The following ABI3BP variants were observed in gnomAD, a reference collection of about 807,000 sequenced individuals.
ABI3BP encodes the protein target of Nesh-SH3.
In ABI3BP, 216 loss-of-function variants were observed where a neutral mutation model predicts 268.6. That is an observed-to-expected ratio of 0.80 (90% CI 0.72 to 0.90). The LOEUF (loss-of-function observed/expected upper bound fraction) is 0.90. Ranked by LOEUF, ABI3BP falls within the 40% of genes least tolerant of loss-of-function variation. The probability of loss-of-function intolerance (pLI) is 0.00; values close to 1 mark genes in which losing one functional copy is unlikely to be tolerated. For missense variants in ABI3BP, 2,090 were observed against 2,182.4 expected, an observed-to-expected ratio of 0.96 and a Z score of 0.84; for synonymous variants, 730 against 730.0, an observed-to-expected ratio of 1.00 and a Z score of 0.00.
At chr3:100,909,932 G>T (rs970152155) in intron 2 of ABI3BP, among the ~76,000 whole-genome samples, 6 of 152,140 alleles carry the variant, frequency 3.9e-5, no homozygotes, top group African/African-American at 9.7e-5. Context: ...ATGCCCAAAA[G>T]AATTATAAAT....
At chr3:100,920,831 C>A (rs1420251485) in intron 2 of ABI3BP, among the ~76,000 whole-genome samples, 1 of 152,054 alleles carries the variant, frequency 6.6e-6, no homozygotes, top group East Asian at 1.9e-4. Context: ...AACTACTTAC[C>A]CACAACTATT....
At chr3:100,788,110 T>C (rs1301918601) in intron 56 of ABI3BP, among the ~76,000 whole-genome samples, 1 of 152,124 alleles carries the variant, frequency 6.6e-6, no homozygotes, top group Non-Finnish European at 1.5e-5. Context: ...ATTAGATACA[T>C]TCCAAAATGG....
rs758851750 is a variant in ABI3BP, at chr3:100,833,110, A to G, written c.2314+15T>C. On this transcript the variant is annotated intron_variant, in intron 30 of 67. Coordinates refer to ENST00000471714, the MANE Select transcript of ABI3BP (RefSeq NM_001375547.2). ...TAAGAAAAAGGACTTGCTGAAGGACATAGAGAGTCATTACCTGAAGATGTC... is the reference window on the plus strand; with the variant it reads ...TAAGAAAAAGGACTTGCTGAAGGACGTAGAGAGTCATTACCTGAAGATGTC... 76 of 1,533,778 alleles carry G rather than the reference A, an allele frequency of 5.0e-5. 2 individuals carry two copies. In the South Asian group the frequency reaches 8.0e-4, roughly 16 times the overall value.
chr3:100,935,905 C>T (rs2065906438), intron 1 of ABI3BP, among the ~76,000 whole-genome samples: 1 of 152,120 alleles, frequency 6.6e-6, no homozygotes, highest in Non-Finnish European at 1.5e-5. Context: ...TCTAAATATA[C>T]AATCATGTCA....
intron 14 of ABI3BP, among the ~76,000 whole-genome samples, chr3:100,859,061 C>T (rs2098968758): frequency 6.6e-6 from 1 of 152,186 alleles, no homozygotes; most frequent in Non-Finnish European, 1.5e-5. Flanking sequence ...TCATTTAACA[C>T]AAGACAAACT....
chr3:100,755,576 G>T (rs1576587977), intron 63 of ABI3BP, among the ~76,000 whole-genome samples: 1 of 152,102 alleles, frequency 6.6e-6, no homozygotes, highest in Admixed American at 6.5e-5. Flanking sequence ...ACAACCCTAG[G>T]TCCCTTGGAA....
chr3:100,898,438 A>G (rs986071134), intron 4 of ABI3BP, among the ~76,000 whole-genome samples: 6 of 152,166 alleles, frequency 3.9e-5, no homozygotes, highest in African/African-American at 1.4e-4. Context: ...TTTCCAATCA[A>G]CTTTCCAACT....
intron 2 of ABI3BP, among the ~76,000 whole-genome samples, chr3:100,920,837 C>G (rs542525364): frequency 6.6e-6 from 1 of 152,366 alleles, no homozygotes; most frequent in South Asian, 2.1e-4. Context: ...TTACCCACAA[C>G]TATTCCACAA....
At chr3:100,842,366 T>G (rs1203716115) in intron 20 of ABI3BP, among the ~76,000 whole-genome samples, 1 of 152,214 alleles carries the variant, frequency 6.6e-6, no homozygotes, top group Admixed American at 6.5e-5. Flanking sequence ...ATTTGTTTCT[T>G]GCAGGACAGC....
chr3:100,777,025 T>C lies in ABI3BP; in HGVS notation c.4333+1259A>G, dbSNP rs2150151428. 2.0e-5 allele frequency among the ~76,000 whole-genome samples: 3 copies of C among 152,260 alleles called. 1 individual carries two copies. Among genetic ancestry groups the C allele is most frequent in the South Asian group, 4.1e-4 (2 of 4,828 alleles). The stretch of plus-strand genomic sequence containing the variant: ...GAAACCCGGTCTCCTAGCAAGGCCA[T>C]GTCACTGGGCCTTGACTCAGAAAGG... On this transcript the variant is annotated intron_variant, in intron 59 of 67. Transcript: ENST00000471714.
At position 100,812,524 on chromosome 3, in the gene ABI3BP, C is replaced by A; in HGVS notation, c.3365-1G>T. 7.5e-7 allele frequency: 1 copy of A among 1,327,444 alleles called. No homozygotes were observed. Among genetic ancestry groups the A allele is most frequent in the South Asian group, 2.2e-5 (1 of 44,578 alleles). 82.2% of individuals were successfully genotyped at this position (1,327,444 alleles called of 1,614,324 possible). On this transcript the variant is annotated splice_acceptor_variant, in intron 45 of 67. Transcript: ENST00000471714. LOFTEE classifies it high-confidence loss of function. The stretch of plus-strand genomic sequence containing the variant: ...GTAACCGATTCCAGAACATCAGAAA[C>A]TAGTAAAAAACAGAAAATGGTACAA...
intron 20 of ABI3BP, among the ~76,000 whole-genome samples, chr3:100,845,555 G>T (rs75663310): frequency 0.048 from 7,358 of 152,086 alleles, 221 homozygotes; most frequent in Non-Finnish European, 0.052. Flanking sequence ...TAATCCTACT[G>T]TGTAAACATG....
At chr3:100,971,661 A>G (rs2083641974) in intron 1 of ABI3BP, among the ~76,000 whole-genome samples, 1 of 152,210 alleles carries the variant, frequency 6.6e-6, no homozygotes, top group Admixed American at 6.5e-5. Flanking sequence ...TTTTCCCCTT[A>G]ACTGTCAAAA....
At chr3:100,922,103 T>C (rs1172211532) in intron 2 of ABI3BP, among the ~76,000 whole-genome samples, 1 of 152,260 alleles carries the variant, frequency 6.6e-6, no homozygotes, top group Non-Finnish European at 1.5e-5. Flanking sequence ...TGATGCTTTT[T>C]TTCCATGAAG....
chr3:100,933,356 C>T (rs62273928), intron 1 of ABI3BP, among the ~76,000 whole-genome samples: 15,669 of 151,696 alleles, frequency 0.1, 1,102 homozygotes, highest in Non-Finnish European at 0.15. Context: ...ACACATAACC[C>T]TATTCTTATC....
chr3:100,756,508 T>G (rs2149376381), intron 63 of ABI3BP, among the ~76,000 whole-genome samples: 1 of 152,274 alleles, frequency 6.6e-6, no homozygotes, highest in Admixed American at 6.5e-5. Flanking sequence ...TTTCCAGAGA[T>G]TAAATTTTTG....
intron 9 of ABI3BP, among the ~76,000 whole-genome samples, chr3:100,869,765 T>TC (rs1432659800): frequency 3.3e-5 from 5 of 152,172 alleles, no homozygotes; most frequent in African/African-American, 9.6e-5. Context: ...ACCCACACTA[T>TC]CTATGCACAA....
At chr3:100,763,641 G>C (rs2149623796) in intron 63 of ABI3BP, among the ~76,000 whole-genome samples, 1 of 152,138 alleles carries the variant, frequency 6.6e-6, no homozygotes, top group South Asian at 2.1e-4. Context: ...GTCTTTCAGT[G>C]TGAAGCAATT....
At chr3:100,860,201 T>C (rs1440992773) in intron 14 of ABI3BP, among the ~76,000 whole-genome samples, 3 of 152,246 alleles carry the variant, frequency 2.0e-5, no homozygotes, top group African/African-American at 7.2e-5. Context: ...TCCCGGGTGA[T>C]GCCAAATGCT....
Sources: allele counts gnomAD v4.1 joint callset (sites outside exome capture counted in the v4.1 genomes callset), GRCh38; gene constraint gnomAD v4.1.1; transcripts MANE v1.5; gene names NCBI Gene and HGNC (gene_info 2026-07-23, HGNC 2026-07-21).